Variants in GPC5 observed in about 807,000 individuals in gnomAD.
The protein encoded by GPC5 is glypican-5.
GPC5 carries 47 observed loss-of-function variants against 53.9 expected under a neutral mutation model. The observed-to-expected ratio is 0.87, with a 90% CI of 0.69 to 1.11. GPC5 has a LOEUF of 1.11. GPC5 is among the 50% of genes most tolerant of loss of function. GPC5 has a pLI of 0.00. For missense variants in GPC5, 748 were observed against 713.1 expected (o/e 1.05, Z -0.56); for synonymous variants, 286 against 263.3 (o/e 1.09, Z -0.84).
chr13:91,593,376 TA>T (rs1256772425), intron 2 of GPC5, among the ~76,000 whole-genome samples: 3 of 152,254 alleles, frequency 2.0e-5, no homozygotes, highest in African/African-American at 7.2e-5. Flanking sequence ...TGGGTATGTC[TA>T]GTCAGCCATC....
intron 7 of GPC5, among the ~76,000 whole-genome samples, chr13:92,341,120 A>T (rs1046677416): frequency 6.6e-6 from 1 of 152,164 alleles, no homozygotes; most frequent in Non-Finnish European, 1.5e-5. Context: ...AGTTTGAATA[A>T]AAAGTATGTC....
chr13:92,063,307 T>G (rs1251406697), intron 6 of GPC5, among the ~76,000 whole-genome samples: 2 of 152,142 alleles, frequency 1.3e-5, no homozygotes, highest in Non-Finnish European at 2.9e-5. Flanking sequence ...TAATCATGAT[T>G]AATACTCTTA....
chr13:91,929,847 T>C (rs1323529079), intron 6 of GPC5, among the ~76,000 whole-genome samples: 1 of 152,114 alleles, frequency 6.6e-6, no homozygotes, highest in East Asian at 1.9e-4. Flanking sequence ...AAACATTTCA[T>C]GATTGTTACA....
At chr13:92,317,796 C>A (rs754268696) in intron 7 of GPC5, among the ~76,000 whole-genome samples, 3 of 152,084 alleles carry the variant, frequency 2.0e-5, no homozygotes, top group Admixed American at 6.6e-5. Flanking sequence ...CCACCGCACC[C>A]GGCCCCTTTT....
At chr13:91,489,778 T>G (rs1594157209) in intron 2 of GPC5, among the ~76,000 whole-genome samples, 1 of 152,318 alleles carries the variant, frequency 6.6e-6, no homozygotes, top group Non-Finnish European at 1.5e-5. Flanking sequence ...CTAATTGCTC[T>G]GAGAAAATGG....
chr13:91,490,737 A>C (rs538126829), intron 2 of GPC5, among the ~76,000 whole-genome samples: 12 of 152,330 alleles, frequency 7.9e-5, no homozygotes, highest in African/African-American at 2.9e-4. Flanking sequence ...CAGAGAGAAA[A>C]AGCTAAATGT....
At chr13:92,546,356 A>T (rs547268835) in intron 7 of GPC5, among the ~76,000 whole-genome samples, 1 of 152,198 alleles carries the variant, frequency 6.6e-6, no homozygotes, top group Non-Finnish European at 1.5e-5. Flanking sequence ...AATCACAAAC[A>T]TTCTTATACA....
chr13:91,631,394 G>C (rs1356671197), intron 2 of GPC5, among the ~76,000 whole-genome samples: 1 of 152,030 alleles, frequency 6.6e-6, no homozygotes, highest in African/African-American at 2.4e-5. Context: ...AAAATCACTA[G>C]CCATTTGGAA....
At chr13:91,607,111 T>G (rs947053922) in intron 2 of GPC5, among the ~76,000 whole-genome samples, 3 of 152,176 alleles carry the variant, frequency 2.0e-5, no homozygotes, top group African/African-American at 7.2e-5. Context: ...TTTATTTTTA[T>G]TTAGTTAAAC....
At chr13:91,539,569 T>C (rs923231223) in intron 2 of GPC5, among the ~76,000 whole-genome samples, 9 of 152,162 alleles carry the variant, frequency 5.9e-5, no homozygotes, top group African/African-American at 1.4e-4. Flanking sequence ...ATGAAGCATC[T>C]ACTGAAACTC....
At chr13:92,758,794 A>C (rs976790235) in intron 7 of GPC5, among the ~76,000 whole-genome samples, 1 of 152,094 alleles carries the variant, frequency 6.6e-6, no homozygotes, top group South Asian at 2.1e-4. Flanking sequence ...ATATCCAAGA[A>C]ATCATTGCCA....
At chr13:92,102,823 A>G (rs1442407378) in intron 6 of GPC5, among the ~76,000 whole-genome samples, 1 of 152,162 alleles carries the variant, frequency 6.6e-6, no homozygotes, top group African/African-American at 2.4e-5. Context: ...AAGCCAAGGC[A>G]TCTTCGTGGA....
At chr13:91,521,952 G>A (rs1317405925) in intron 2 of GPC5, among the ~76,000 whole-genome samples, 1 of 152,210 alleles carries the variant, frequency 6.6e-6, no homozygotes, top group East Asian at 1.9e-4. Flanking sequence ...GGAACTTAGG[G>A]AAATATGTCT....
At chr13:91,884,839 A>T (rs1010182551) in intron 5 of GPC5, among the ~76,000 whole-genome samples, 1 of 152,152 alleles carries the variant, frequency 6.6e-6, no homozygotes, top group African/African-American at 2.4e-5. Flanking sequence ...AAAATAAAGG[A>T]TATGGAAAGT....
chr13:91,618,502 C>G (rs2033760881), intron 2 of GPC5, among the ~76,000 whole-genome samples: 1 of 151,994 alleles, frequency 6.6e-6, no homozygotes, highest in Non-Finnish European at 1.5e-5. Context: ...CTCTCTCAGC[C>G]CACTCATGTG....
intron 7 of GPC5, among the ~76,000 whole-genome samples, chr13:92,583,523 C>T (rs1290936126): frequency 6.6e-6 from 1 of 152,004 alleles, no homozygotes; most frequent in Non-Finnish European, 1.5e-5. Context: ...AGTGAAGTGC[C>T]CTGTTCTAGT....
chr13:91,603,600 T>C (rs572391906), intron 2 of GPC5, among the ~76,000 whole-genome samples: 2 of 152,340 alleles, frequency 1.3e-5, no homozygotes, highest in East Asian at 3.9e-4. Flanking sequence ...TTTGTATGTA[T>C]AGGTTAATAG....
At chr13:92,578,670 G>A (rs1039287121) in intron 7 of GPC5, among the ~76,000 whole-genome samples, 2 of 152,124 alleles carry the variant, frequency 1.3e-5, no homozygotes, top group African/African-American at 4.8e-5. Flanking sequence ...TACATGGATT[G>A]GTAAGGGCAG....
At chr13:92,369,058 A>G (rs1188462326) in intron 7 of GPC5, among the ~76,000 whole-genome samples, 1 of 152,260 alleles carries the variant, frequency 6.6e-6, no homozygotes, top group Non-Finnish European at 1.5e-5. Context: ...ATTCGTTCAC[A>G]ATAACAAATA....
Sources: allele counts gnomAD v4.1 joint callset (sites outside exome capture counted in the v4.1 genomes callset), GRCh38; gene constraint gnomAD v4.1.1; transcripts MANE v1.5; gene names NCBI Gene and HGNC (gene_info 2026-07-23, HGNC 2026-07-21).